The following ZCCHC14 variants were observed in gnomAD, a reference collection of about 807,000 sequenced individuals.
ZCCHC14 encodes zinc finger CCHC domain-containing protein 14.
A neutral mutation model predicts 85.0 loss-of-function variants in ZCCHC14; 16 were observed. That is an observed-to-expected ratio of 0.19 (90% CI 0.13 to 0.29). The LOEUF is 0.29. ZCCHC14 is among the 10% of genes least tolerant of loss of function. The pLI is 1.00. For missense variants in ZCCHC14, 1,303 were observed against 1,443.5 expected (o/e 0.90, Z 1.58); for synonymous variants, 775 against 630.7 (o/e 1.23, Z -3.43).
At chr16:87,463,337 A>G (rs945475393) in intron 1 of ZCCHC14, among the ~76,000 whole-genome samples, 4 of 151,184 alleles carry the variant, frequency 2.6e-5, no homozygotes, top group African/African-American at 9.7e-5. Flanking sequence ...AGGTATGATC[A>G]TATCAGTGCA....
At chr16:87,417,114 C>T (rs1908827006) in intron 8 of ZCCHC14, among the ~76,000 whole-genome samples, 1 of 152,206 alleles carries the variant, frequency 6.6e-6, no homozygotes, top group South Asian at 2.1e-4. Flanking sequence ...AGTGTCTGCG[C>T]CAGCTACGCC....
rs1401088271 is a variant in ZCCHC14 at position 87,420,002 on chromosome 16, A to C, written c.951-125T>G. On this transcript the variant is annotated intron_variant, in intron 5 of 12. Transcript: ENST00000671377. The surrounding 1 kb of genome is among the most constrained non-coding windows in gnomAD (Gnocchi z 5.0). Reference sequence around the variant, plus strand: ...AGAGGAAAAAAGCCAGAAGTGCCAGAGCCTCATATTCTTCCTGCTTTAATT... The same window carrying C: ...AGAGGAAAAAAGCCAGAAGTGCCAGCGCCTCATATTCTTCCTGCTTTAATT... 1 of 686,814 alleles carries C rather than the reference A, an allele frequency of 1.5e-6. No individual in the cohort carries two copies. Among genetic ancestry groups the C allele is most frequent in the Non-Finnish European group, 2.3e-6 (1 of 425,732 alleles). 42.5% of individuals were successfully genotyped at this position (686,814 alleles called of 1,614,324 possible).
Position 87,408,718 on chromosome 16 carries a change from AG to A in ZCCHC14, c.*1561del, listed in dbSNP as rs1409981438. On this transcript the variant is annotated 3_prime_UTR_variant, in exon 13 of 13. Transcript: ENST00000671377. ...CAACTTTCTGCTTTAGTTTCTATGA[AG>A]TTAGGAACTGCTCTTCAAATTGAAC... 6.6e-6 allele frequency: 1 copy of A among 152,464 alleles called. No individual in the cohort carries two copies. Among genetic ancestry groups the A allele is most frequent in the East Asian group, 1.9e-4 (1 of 5,206 alleles). The allele number at this position is 152,464 out of a possible 1,614,324, so 9.4% of individuals were successfully genotyped here.
intron 1 of ZCCHC14, among the ~76,000 whole-genome samples, chr16:87,469,656 G>A (rs564252152): frequency 1.3e-5 from 2 of 152,330 alleles, no homozygotes; most frequent in African/African-American, 4.8e-5. Context: ...TGTTATTATT[G>A]TGGTGCTTGC....
At chr16:87,445,612 T>G (rs911434375) in intron 2 of ZCCHC14, among the ~76,000 whole-genome samples, 4 of 152,212 alleles carry the variant, frequency 2.6e-5, no homozygotes, top group Admixed American at 2.6e-4. Context: ...AGATGTTCCT[T>G]TGAAGTTTCC....
intron 1 of ZCCHC14, among the ~76,000 whole-genome samples, chr16:87,461,575 G>A (rs1911260718): frequency 6.6e-6 from 1 of 152,180 alleles, no homozygotes; most frequent in Admixed American, 6.5e-5. Context: ...ATACCTGGAC[G>A]GTAGGTGGCA....
intron 8 of ZCCHC14, among the ~76,000 whole-genome samples, chr16:87,416,206 G>A (rs1405497181): frequency 4.0e-5 from 6 of 151,878 alleles, no homozygotes; most frequent in Non-Finnish European, 5.9e-5. Context: ...GATTACAGGC[G>A]TGAGCCACCG....
intron 7 of ZCCHC14, 132 bp downstream of exon 7, chr16:87,418,715 C>T (rs1254352997): frequency 4.3e-6 from 4 of 933,864 alleles, no homozygotes; most frequent in East Asian, 2.8e-5. Context: ...CATCTCTACT[C>T]AATTCTTCTC....
intron 2 of ZCCHC14, among the ~76,000 whole-genome samples, chr16:87,434,694 A>G (rs554346889): frequency 1.7e-3 from 259 of 152,306 alleles, no homozygotes; most frequent in African/African-American, 5.7e-3. Flanking sequence ...CGTATGGCCA[A>G]AAAGTTTTTT....
intron 1 of ZCCHC14, among the ~76,000 whole-genome samples, chr16:87,478,008 C>G (rs1042973625): frequency 2.6e-5 from 4 of 152,194 alleles, no homozygotes; most frequent in African/African-American, 9.7e-5. Context: ...ACCACTGATA[C>G]GCCCCCACGC....
At chr16:87,455,457 A>G (rs999492385) in intron 2 of ZCCHC14, among the ~76,000 whole-genome samples, 1 of 152,202 alleles carries the variant, frequency 6.6e-6, no homozygotes, top group African/African-American at 2.4e-5. Context: ...AAAGATGTGT[A>G]GTGCATTCCT....
intron 8 of ZCCHC14, among the ~76,000 whole-genome samples, chr16:87,416,745 G>A (rs1908805176): frequency 6.6e-6 from 1 of 152,066 alleles, no homozygotes; most frequent in Admixed American, 6.6e-5. Flanking sequence ...GGCAGTGCAA[G>A]ACTCTCCATC....
Position 87,409,660 on chromosome 16 carries a change from G to A in ZCCHC14, c.*620C>T, listed in dbSNP as rs1023737882. ...TAAAACCTCTGTTGCGTCCTAAGTC[G>A]AGTAGCCTCTGCTGGTGCTGACTCT... is the stretch of plus-strand genomic sequence containing the variant. On this transcript the variant is annotated 3_prime_UTR_variant, in exon 13 of 13. Transcript: ENST00000671377. 6.6e-6 allele frequency: 1 copy of A among 152,656 alleles called. No homozygotes were observed. Among genetic ancestry groups the A allele is most frequent in the Admixed American group, 6.5e-5 (1 of 15,280 alleles). The allele number at this position is 152,656 out of a possible 1,614,324, so 9.5% of individuals were successfully genotyped here.
chr16:87,429,764 G>A (rs1909556841), intron 3 of ZCCHC14, among the ~76,000 whole-genome samples: 1 of 152,116 alleles, frequency 6.6e-6, no homozygotes, highest in African/African-American at 2.4e-5. Flanking sequence ...CAGCTACCAC[G>A]CCTGGCTAAT....
At chr16:87,459,403 G>A (rs1176245308) in intron 2 of ZCCHC14, among the ~76,000 whole-genome samples, 1 of 151,660 alleles carries the variant, frequency 6.6e-6, no homozygotes, top group Non-Finnish European at 1.5e-5. Flanking sequence ...GGAGGGCAGT[G>A]GCACGATCTC....
intron 3 of ZCCHC14, 143 bp from the exon 4 acceptor site, chr16:87,424,024 C>T: frequency 1.4e-6 from 1 of 734,178 alleles, no homozygotes; most frequent in East Asian, 2.8e-5. Flanking sequence ...AGCACCTAAG[C>T]ATCCCTTGAC....
At chr16:87,440,993 G>A (rs1454993087) in intron 2 of ZCCHC14, among the ~76,000 whole-genome samples, 2 of 149,654 alleles carry the variant, frequency 1.3e-5, no homozygotes, top group Non-Finnish European at 3.0e-5. Context: ...ATATGCGACT[G>A]TTCCCATAAA....
intron 2 of ZCCHC14, among the ~76,000 whole-genome samples, chr16:87,455,633 A>G (rs1296547240): frequency 2.0e-5 from 3 of 152,226 alleles, no homozygotes; most frequent in African/African-American, 4.8e-5. Flanking sequence ...CTGGGGTTCA[A>G]ATCAGAATCC....
At chr16:87,441,472 T>A (rs983923648) in intron 2 of ZCCHC14, among the ~76,000 whole-genome samples, 2 of 152,210 alleles carry the variant, frequency 1.3e-5, no homozygotes, top group Non-Finnish European at 2.9e-5. Context: ...CCCATTCATA[T>A]TTATTGTTTA....
Sources: allele counts gnomAD v4.1 joint callset (sites outside exome capture counted in the v4.1 genomes callset), GRCh38; gene constraint gnomAD v4.1.1; non-coding constraint Gnocchi (gnomAD v3.1); transcripts MANE v1.5; gene names NCBI Gene and HGNC (gene_info 2026-07-23, HGNC 2026-07-21).